The following BCL2L1 variants were observed in gnomAD, a reference collection of about 807,000 sequenced individuals.
The protein encoded by BCL2L1 is BCL2 like 1.
BCL2L1 carries 1 observed loss-of-function variant against 18.7 expected under a neutral mutation model. The observed-to-expected ratio is 0.05, with a 90% CI of 0.02 to 0.25. The LOEUF (loss-of-function observed/expected upper bound fraction) is 0.25. Among genes scored for constraint, BCL2L1 ranks in the 10% least tolerant of loss-of-function variants. The pLI, the probability that BCL2L1 is intolerant of heterozygous loss-of-function variation, is 1.00. For missense variants in BCL2L1, 207 were observed against 304.9 expected (o/e 0.68, Z 2.39); for synonymous variants, 103 against 122.7 (o/e 0.84, Z 1.06).
intron 2 of BCL2L1, chr20:31,721,358 G>C (rs1197309473): frequency 2.6e-6 from 1 of 387,754 alleles, no homozygotes; most frequent in Non-Finnish European, 4.6e-6. Context: ...TCACAGGTTT[G>C]GGACTTAATG....
intron 2 of BCL2L1, chr20:31,720,766 T>C (rs1285371749): frequency 1.0e-6 from 1 of 985,296 alleles, no homozygotes; most frequent in Non-Finnish European, 1.2e-6. Flanking sequence ...GAACTGGAAC[T>C]TATACCTGCA....
In BCL2L1 at chr20:31,722,672, G is replaced by C. The variant is rs1284587997; in HGVS notation, c.-185C>G. The C allele has an allele frequency of 6.6e-6, 1 of 152,264 alleles. No homozygotes were observed. The highest frequency in any genetic ancestry group is 1.5e-5 in the Non-Finnish European group (1 of 68,280). 9.4% of individuals were successfully genotyped at this position (152,264 alleles called of 1,614,324 possible). ...AGGTGCAGCCCCCGGAAGATCTTTTGTATCACAGGTCGGGAGAGGAGGTGG... is the reference window on the plus strand; with the variant it reads ...AGGTGCAGCCCCCGGAAGATCTTTTCTATCACAGGTCGGGAGAGGAGGTGG... On this transcript the variant is annotated 5_prime_UTR_variant, in exon 1 of 3. Coordinates refer to ENST00000307677, the MANE Select transcript of BCL2L1 (RefSeq NM_138578.3).
Position 31,709,316 on chromosome 20 carries a change from C to T in BCL2L1, c.564+12339G>A, listed in dbSNP as rs187539776. On this transcript the variant is annotated intron_variant, in intron 2 of 2. Transcript: ENST00000307677. ...GTGGTTCTTACCCGTCTGGCCTGCT[C>T]GTGTGTGTGTGTGCGCGCGTGCACG... Among the ~76,000 whole-genome samples the T allele has an allele frequency of 1.5e-3, 231 of 152,068 alleles. 1 individual carries two copies. Among genetic ancestry groups the T allele is most frequent in the African/African-American group, 5.3e-3 (218 of 41,516 alleles).
Position 31,702,415 on chromosome 20 carries a change from G to A in BCL2L1, c.564+19240C>T, listed in dbSNP as rs1487762207. Among the ~76,000 whole-genome samples the A allele has an allele frequency of 2.6e-5, 4 of 152,108 alleles. No individual in the cohort carries two copies. The East Asian group carries it at 7.7e-4, about 29-fold the overall frequency. ...TGGGAGGCTGAGGTGGGCAGATCAC[G>A]AGGTCAGGAGTTCGAGACCAGCCTG... On this transcript the variant is annotated intron_variant, in intron 2 of 2. Transcript: ENST00000307677.
At chr20:31,684,914 T>C (rs774047010) in intron 2 of BCL2L1, among the ~76,000 whole-genome samples, 2 of 152,210 alleles carry the variant, frequency 1.3e-5, no homozygotes, top group Non-Finnish European at 2.9e-5. Context: ...AAGGGAAGGC[T>C]GGGCCTTCTG....
chr20:31,693,348 T>C (rs1053116132), intron 2 of BCL2L1, among the ~76,000 whole-genome samples: 36 of 151,860 alleles, frequency 2.4e-4, no homozygotes, highest in Non-Finnish European at 3.7e-4. Flanking sequence ...CTTGGCAGGC[T>C]GAGGCAGGAG....
At chr20:31,667,586 A>T (rs952468903) in intron 2 of BCL2L1, among the ~76,000 whole-genome samples, 1 of 150,610 alleles carries the variant, frequency 6.6e-6, no homozygotes, top group Non-Finnish European at 1.5e-5. Flanking sequence ...TACATTTCCA[A>T]CCAGTCCCAA....
chr20:31,669,818 T>C (rs2060639899), intron 2 of BCL2L1, among the ~76,000 whole-genome samples: 1 of 152,162 alleles, frequency 6.6e-6, no homozygotes, highest in African/African-American at 2.4e-5. Flanking sequence ...TCTTGCTCTG[T>C]AAATACATGA....
chr20:31,685,435 A>G (rs1195107569), intron 2 of BCL2L1, among the ~76,000 whole-genome samples: 7 of 152,134 alleles, frequency 4.6e-5, no homozygotes, highest in Non-Finnish European at 1.0e-4. Flanking sequence ...AGAGAAAAAG[A>G]AGATTCTATT....
rs899244011 is a variant in BCL2L1 at position 31,665,592 on chromosome 20, A to C, written c.*357T>G. ...TGGGGAAGAGGTTCTGAAAACTTTC[A>C]AGCTCCCTGGCAGAAAAACATTTTC... On this transcript the variant is annotated 3_prime_UTR_variant, in exon 3 of 3. Transcript: ENST00000307677. The C allele has an allele frequency of 5.2e-5, 13 of 249,934 alleles. No homozygotes were observed. The highest frequency in any genetic ancestry group is 8.5e-5 in the Non-Finnish European group (11 of 129,478). The allele number at this position is 249,934 out of a possible 1,614,324, so 15.5% of individuals were successfully genotyped here. A position where few individuals can be genotyped will look rare whatever the true frequency, so the allele number is the denominator to read the frequency against.
rs2061641170 is a variant in BCL2L1 at position 31,721,972 on chromosome 20, T to C, written c.247A>G (p.Met83Val). 7 of 1,614,166 alleles carry C rather than the reference T, an allele frequency of 4.3e-6. No homozygotes were observed. The highest frequency in any genetic ancestry group is 5.9e-6 in the Non-Finnish European group (7 of 1,180,010). ...SSLDAREVIPMAAVKQALREA... is the reference protein window; with the variant it reads ...SSLDAREVIPVAAVKQALREA... Reference sequence around the variant, plus strand: ...CTCAGCGCTTGCTTTACTGCTGCCATGGGGATCACCTCCCGGGCATCCAAA... The same window carrying C: ...CTCAGCGCTTGCTTTACTGCTGCCACGGGGATCACCTCCCGGGCATCCAAA... The change falls in exon 2 of 3, where the codon ATG (methionine) becomes GTG (valine). Residue 83 changes from methionine to valine, a missense_variant. Physicochemically the swap from Met to Val is conservative, Grantham distance 21 (BLOSUM62 1). Coordinates refer to ENST00000307677, the MANE Select transcript of BCL2L1 (RefSeq NM_138578.3).
At chr20:31,688,444 CAAAA>C (rs11362299) in intron 2 of BCL2L1, among the ~76,000 whole-genome samples, 1 of 86,674 alleles carries the variant, frequency 1.2e-5, no homozygotes, top group Admixed American at 1.3e-4. Flanking sequence ...ACTCTGTCTC[CAAAA>C]AAAAAAAAAA....
chr20:31,665,712 A>G lies in BCL2L1; in HGVS notation c.*237T>C. On this transcript the variant is annotated 3_prime_UTR_variant, in exon 3 of 3. Transcript: ENST00000307677. ...ATACCTGCCAGCCTCCTTTGGACAG[A>G]TTTTGTGGAAATTTTGTGAATTCTG... The G allele has an allele frequency of 1.7e-6, 1 of 594,270 alleles. No homozygotes were observed. Among genetic ancestry groups the G allele is most frequent in the Non-Finnish European group, 2.9e-6 (1 of 344,906 alleles). 36.8% of individuals were successfully genotyped at this position (594,270 alleles called of 1,614,324 possible). A position where few individuals can be genotyped will look rare whatever the true frequency, so the allele number is the denominator to read the frequency against.
chr20:31,674,115 T>G (rs1332153007), intron 2 of BCL2L1, among the ~76,000 whole-genome samples: 1 of 152,216 alleles, frequency 6.6e-6, no homozygotes, highest in African/African-American at 2.4e-5. Context: ...CTATCCAAGA[T>G]AGTACTTCAT....
At chr20:31,707,111 TAAAAC>T (rs1184791425) in intron 2 of BCL2L1, among the ~76,000 whole-genome samples, 1 of 152,146 alleles carries the variant, frequency 6.6e-6, no homozygotes, top group African/African-American at 2.4e-5. Context: ...CCTGGGAAGA[TAAAAC>T]AAAATATGCC....
upstream of BCL2L1, chr20:31,723,856 C>T (rs942827182): frequency 2.0e-6 from 2 of 985,366 alleles, no homozygotes; most frequent in Admixed American, 6.1e-5. Context: ...ACCTGGCTGC[C>T]GGCCTACCTG....
intron 2 of BCL2L1, among the ~76,000 whole-genome samples, chr20:31,691,812 C>T (rs904265059): frequency 6.6e-6 from 1 of 152,174 alleles, no homozygotes; most frequent in Non-Finnish European, 1.5e-5. Context: ...TTCACAGCCC[C>T]ACTTGTAATC....
chr20:31,672,174 A>T (rs577976597), intron 2 of BCL2L1, among the ~76,000 whole-genome samples: 1 of 151,932 alleles, frequency 6.6e-6, no homozygotes, highest in South Asian at 2.1e-4. Context: ...GACAGAGAAT[A>T]TCTGGGGGAG....
At chr20:31,701,212 C>T (rs1329767778) in intron 2 of BCL2L1, among the ~76,000 whole-genome samples, 1 of 152,160 alleles carries the variant, frequency 6.6e-6, no homozygotes. Flanking sequence ...CGCCACCACA[C>T]CTGGCTAATT....
Sources: gnomAD v4.1 joint callset for allele counts (sites outside exome capture counted in the v4.1 genomes callset) on GRCh38, gnomAD v4.1.1 for gene constraint, MANE v1.5 for transcripts, NCBI Gene and HGNC (gene_info 2026-07-23, HGNC 2026-07-21) for gene names.